Variants in STK40 observed in about 807,000 individuals in gnomAD.
STK40 encodes the protein serine/threonine kinase 40.
STK40 carries 13 observed loss-of-function variants against 47.9 expected under a neutral mutation model. The observed-to-expected ratio is 0.27, with a 90% CI of 0.18 to 0.43. The LOEUF is 0.43. Ranked by LOEUF, STK40 falls within the 20% of genes least tolerant of loss-of-function variation. The pLI is 1.00. For missense variants in STK40, 460 were observed against 595.1 expected (o/e 0.77, Z 2.36); for synonymous variants, 225 against 243.2 (o/e 0.93, Z 0.69).
chr1:36,344,487 C>T (rs924391112), intron 7 of STK40, among the ~76,000 whole-genome samples: 6 of 152,240 alleles, frequency 3.9e-5, no homozygotes, highest in African/African-American at 7.2e-5. Context: ...GCACCTGCCC[C>T]GCCCGGCCAG....
chr1:36,378,586 G>A (rs758446752), intron 1 of STK40, among the ~76,000 whole-genome samples: 1 of 152,026 alleles, frequency 6.6e-6, no homozygotes, highest in Non-Finnish European at 1.5e-5. Flanking sequence ...AGCCTCCTGA[G>A]TAGCTGGGAC....
intron 7 of STK40, among the ~76,000 whole-genome samples, chr1:36,345,989 A>ATTTTTTTTTTTTTTTT (rs1330462605): frequency 1.0e-4 from 2 of 19,584 alleles, no homozygotes; most frequent in African/African-American, 3.3e-4. Flanking sequence ...ATATATATAT[A>ATTTTTTTTTTTTTTTT]TATTTTTTTT....
intron 1 of STK40, among the ~76,000 whole-genome samples, chr1:36,376,335 CCTCCCAGG>C (rs772038081): frequency 1.8e-4 from 28 of 152,182 alleles, no homozygotes; most frequent in Non-Finnish European, 2.8e-4. Flanking sequence ...CCACCTCAGG[CCTCCCAGG>C]CTCTGCACAA....
chr1:36,359,907 T>G (rs1218860086), intron 2 of STK40, among the ~76,000 whole-genome samples: 1 of 152,188 alleles, frequency 6.6e-6, no homozygotes, highest in East Asian at 1.9e-4. Flanking sequence ...GTGCTGTTTC[T>G]TCTGTCTGCA....
At chr1:36,348,191 C>A (rs1216040764) in intron 7 of STK40, among the ~76,000 whole-genome samples, 2 of 152,262 alleles carry the variant, frequency 1.3e-5, no homozygotes, top group African/African-American at 4.8e-5. Flanking sequence ...ATGGCTTCCA[C>A]TCGCACTTGA....
Position 36,341,857 on chromosome 1 carries a change from C to T in STK40, c.1206G>A (p.Arg402=). The change falls in exon 11 of 11, where the codon CGG becomes CGA. Residue 402 remains arginine (R), a synonymous_variant. Coordinates refer to ENST00000373132, the MANE Select transcript of STK40 (RefSeq NM_001282547.2). ...IHDARSWVPK[R]QFGSAPPVRR... ...GCACCGGTGGTGCGCTGCCGAACTG[C>T]CGCTTGGGTACCCAGCTCCGGGCGT... The T allele has an allele frequency of 6.2e-7, 1 of 1,613,872 alleles. No homozygotes were observed. The highest frequency in any genetic ancestry group is 1.1e-5 in the South Asian group (1 of 91,074).
At chr1:36,384,290 A>G (rs1230800343) in intron 1 of STK40, among the ~76,000 whole-genome samples, 1 of 152,170 alleles carries the variant, frequency 6.6e-6, no homozygotes, top group African/African-American at 2.4e-5. Flanking sequence ...TCGGCTTCCC[A>G]AAGTGTTGGG....
chr1:36,341,794 C>T lies in STK40; in HGVS notation c.1269G>A (p.Leu423=), dbSNP rs1329998238. The part of the protein sequence containing the change: ...LGHDAQPMTS[L]DTAILAQRYL... ...AGCGCTGCGCCAGGATGGCCGTGTC[C>T]AAGGAGGTCATGGGCTGTGCGTCGT... The change falls in exon 11 of 11, where the codon TTG becomes TTA. Residue 423 remains leucine (L), a synonymous_variant. Coordinates refer to ENST00000373132, the MANE Select transcript of STK40 (RefSeq NM_001282547.2). 1 of 1,612,844 alleles carries T rather than the reference C, an allele frequency of 6.2e-7. No homozygotes were observed. Among genetic ancestry groups the T allele is most frequent in the Admixed American group, 1.7e-5 (1 of 60,020 alleles).
chr1:36,379,382 C>G (rs1022193293), intron 1 of STK40, among the ~76,000 whole-genome samples: 1 of 149,972 alleles, frequency 6.7e-6, no homozygotes. Flanking sequence ...GAATGAACAC[C>G]GTTGGGTTGT....
At chr1:36,366,861 G>C (rs890437189) in intron 1 of STK40, among the ~76,000 whole-genome samples, 2 of 148,780 alleles carry the variant, frequency 1.3e-5, no homozygotes, top group African/African-American at 5.0e-5. Flanking sequence ...TTGAGACAGA[G>C]TCTTGCTCTG....
rs547350592 is a variant in STK40, at chr1:36,376,780, G to A, written c.-9+8943C>T. On this transcript the variant is annotated intron_variant, in intron 1 of 10. Transcript: ENST00000373132. Reference sequence around the variant, plus strand: ...AAAGATTATACACACTTTTGAATACGCATAGGCAACTTCTAGAAGAAATTT... The same window carrying A: ...AAAGATTATACACACTTTTGAATACACATAGGCAACTTCTAGAAGAAATTT... Among the ~76,000 whole-genome samples the A allele has an allele frequency of 9.2e-5, 14 of 151,878 alleles. No individual in the cohort carries two copies. The South Asian group carries it at 2.1e-3, about 23-fold the overall frequency.
chr1:36,341,989 G>A lies in STK40; in HGVS notation c.1090-16C>T, dbSNP rs1411847092. 6.2e-7 allele frequency: 1 copy of A among 1,603,092 alleles called. No homozygotes were observed. Among genetic ancestry groups the A allele is most frequent in the East Asian group, 2.3e-5 (1 of 44,398 alleles). Reference sequence around the variant, plus strand: ...TCACCTTCGCCTTTGAGGCGGGGAGGGTGGGAAGGAGACAAAGATAAACCC... The same window carrying A: ...TCACCTTCGCCTTTGAGGCGGGGAGAGTGGGAAGGAGACAAAGATAAACCC... On this transcript the variant is annotated splice_polypyrimidine_tract_variant and intron_variant, in intron 10 of 10. Coordinates refer to ENST00000373132, the MANE Select transcript of STK40 (RefSeq NM_001282547.2).
intron 1 of STK40, among the ~76,000 whole-genome samples, chr1:36,365,138 G>C (rs1474598847): frequency 2.0e-5 from 3 of 152,104 alleles, no homozygotes; most frequent in Non-Finnish European, 2.9e-5. Context: ...TTACAGGCAT[G>C]TGCCACCACA....
intron 1 of STK40, among the ~76,000 whole-genome samples, chr1:36,372,423 C>CAAAAAAAAAAAAAAAAAAAAAA (rs796595993): frequency 1.8e-4 from 7 of 39,584 alleles, no homozygotes; most frequent in East Asian, 7.1e-4. Flanking sequence ...GACCTTGTCT[C>CAAAAAAAAAAAAAAAAAAAAAA]AAAAAAAAAA....
Position 36,343,823 on chromosome 1 carries a change from C to T in STK40, c.1004+37G>A, listed in dbSNP as rs74848037. ...GTAGGATGGGCAGAGGCCCTGAGGA[C>T]GCAGCCTTGTGCCCGGTCAAGTGCC... On this transcript the variant is annotated intron_variant, in intron 9 of 10. Coordinates refer to ENST00000373132, the MANE Select transcript of STK40 (RefSeq NM_001282547.2). 1.5e-3 allele frequency: 2,388 copies of T among 1,542,228 alleles called. 21 individuals are homozygous for T. The African/African-American group carries it at 0.024, about 15-fold the overall frequency.
At chr1:36,354,548 A>C in intron 5 of STK40, 132 bp from the exon 6 acceptor site, 2 of 876,202 alleles carry the variant, frequency 2.3e-6, no homozygotes, top group Non-Finnish European at 3.8e-6. Flanking sequence ...TTTAGGCTCC[A>C]AGCACAGGCA....
At chr1:36,379,745 A>T (rs939052717) in intron 1 of STK40, among the ~76,000 whole-genome samples, 3 of 152,128 alleles carry the variant, frequency 2.0e-5, no homozygotes, top group Admixed American at 2.0e-4. Flanking sequence ...ACCTCAACCC[A>T]AAAGAACAGA....
chr1:36,363,917 CAAG>C (rs529249876), intron 1 of STK40, among the ~76,000 whole-genome samples: 8 of 151,730 alleles, frequency 5.3e-5, no homozygotes, highest in Non-Finnish European at 1.0e-4. Flanking sequence ...TTTGGGAGGC[CAAG>C]GAGGGAAGAT....
chr1:36,363,733 T>C (rs529682192), intron 1 of STK40, among the ~76,000 whole-genome samples: 1 of 147,640 alleles, frequency 6.8e-6, no homozygotes, highest in Non-Finnish European at 1.5e-5. Flanking sequence ...GAGAATAGTG[T>C]GAACCTGGGA....
Sources: allele counts gnomAD v4.1 joint callset (sites outside exome capture counted in the v4.1 genomes callset), GRCh38; gene constraint gnomAD v4.1.1; transcripts MANE v1.5; gene names NCBI Gene and HGNC (gene_info 2026-07-23, HGNC 2026-07-21).